The following OXR1 variants were observed in gnomAD, a reference collection of about 807,000 sequenced individuals.
OXR1 encodes the protein oxidation resistance protein 1.
OXR1 carries 41 observed loss-of-function variants against 104.6 expected under a neutral mutation model. The observed-to-expected ratio is 0.39, with a 90% confidence interval of 0.31 to 0.51. OXR1 has a LOEUF of 0.51. OXR1 is among the 20% of genes least tolerant of loss of function. OXR1 has a pLI of 0.77. For missense variants in OXR1, 955 were observed against 1,031.9 expected (o/e 0.93, Z 1.02); for synonymous variants, 348 against 348.4 (o/e 1.00, Z 0.01).
chr8:106,750,533 T>C (rs980692198), intron 16 of OXR1, among the ~76,000 whole-genome samples: 1 of 152,058 alleles, frequency 6.6e-6, no homozygotes, highest in Admixed American at 6.6e-5. Context: ...TTTCTCCATG[T>C]TGGTCAGGCT....
intron 1 of OXR1, among the ~76,000 whole-genome samples, chr8:106,334,173 C>A (rs1266696025): frequency 2.0e-5 from 3 of 152,024 alleles, no homozygotes; most frequent in African/African-American, 7.2e-5. Context: ...ACAAATCTTG[C>A]TTTTTTTGTT....
intron 3 of OXR1, among the ~76,000 whole-genome samples, chr8:106,596,185 T>C (rs3110775): frequency 0.6 from 91,721 of 151,830 alleles, 28,714 homozygotes; most frequent in African/African-American, 0.79. Flanking sequence ...GTGGCTCACA[T>C]CTACAATCCC....
chr8:106,378,564 C>T (rs909228968), intron 2 of OXR1, among the ~76,000 whole-genome samples: 1 of 152,148 alleles, frequency 6.6e-6, no homozygotes, highest in Non-Finnish European at 1.5e-5. Flanking sequence ...GGTTGGAGTG[C>T]GATGGCACGA....
chr8:106,714,646 T>C (rs1431319827), intron 11 of OXR1, among the ~76,000 whole-genome samples: 1 of 152,122 alleles, frequency 6.6e-6, no homozygotes, highest in Non-Finnish European at 1.5e-5. Context: ...TTTACATGCT[T>C]TGTCTTATAA....
intron 16 of OXR1, among the ~76,000 whole-genome samples, chr8:106,750,182 A>T (rs1363988508): frequency 6.6e-6 from 1 of 151,790 alleles, no homozygotes; most frequent in African/African-American, 2.4e-5. Flanking sequence ...ACTAAAAAAA[A>T]TACCCAAAGA....
At position 106,742,349 on chromosome 8, in the gene OXR1, A is replaced by G. The variant is rs200280199; in HGVS notation, c.2412+32A>G. 26 of 1,348,294 alleles carry G rather than the reference A, an allele frequency of 1.9e-5. No homozygotes were observed. The East Asian group carries it at 5.7e-4, about 30-fold the overall frequency. The allele number at this position is 1,348,294 out of a possible 1,614,324, so 83.5% of individuals were successfully genotyped here. On this transcript the variant is annotated intron_variant, in intron 15 of 16. Coordinates refer to ENST00000517566, the MANE Select transcript of OXR1 (RefSeq NM_001198533.2). ...ACCACTATTTCAATATTTTATTTAT[A>G]AAGAGTTGACATAACATACTGCCCA...
At chr8:106,664,115 A>C (rs1826041190) in intron 3 of OXR1, among the ~76,000 whole-genome samples, 1 of 152,138 alleles carries the variant, frequency 6.6e-6, no homozygotes, top group African/African-American at 2.4e-5. Flanking sequence ...AGCCTTTCTT[A>C]ATAGTGTATC....
At chr8:106,477,014 C>T (rs1264605029) in intron 2 of OXR1, among the ~76,000 whole-genome samples, 1 of 151,954 alleles carries the variant, frequency 6.6e-6, no homozygotes, top group Non-Finnish European at 1.5e-5. Flanking sequence ...TCACAATGGT[C>T]CCTATGCTGG....
At chr8:106,696,049 T>C (rs951166507) in intron 7 of OXR1, among the ~76,000 whole-genome samples, 6 of 152,208 alleles carry the variant, frequency 3.9e-5, no homozygotes, top group Non-Finnish European at 1.5e-5. Flanking sequence ...TAGTGACATT[T>C]ATCTATCATT....
At chr8:106,457,510 C>T (rs1820667019) in intron 2 of OXR1, among the ~76,000 whole-genome samples, 1 of 152,100 alleles carries the variant, frequency 6.6e-6, no homozygotes, top group Non-Finnish European at 1.5e-5. Flanking sequence ...ATCATAACTA[C>T]CTGAAAATGT....
intron 11 of OXR1, chr8:106,726,010 G>A: frequency 2.0e-6 from 1 of 496,808 alleles, no homozygotes; most frequent in South Asian, 3.9e-5. Flanking sequence ...ACTTAAGCAT[G>A]GGAAATTCTC....
chr8:106,509,119 C>G (rs1022935905), intron 2 of OXR1, among the ~76,000 whole-genome samples: 4 of 152,130 alleles, frequency 2.6e-5, no homozygotes, highest in Admixed American at 6.5e-5. Flanking sequence ...GTGGCAATAG[C>G]GTGTTACAAA....
chr8:106,695,534 C>T (rs755462265), intron 7 of OXR1, among the ~76,000 whole-genome samples: 1 of 151,958 alleles, frequency 6.6e-6, no homozygotes, highest in Non-Finnish European at 1.5e-5. Flanking sequence ...TCTCCTGCCT[C>T]AGCCTCCTGA....
intron 2 of OXR1, among the ~76,000 whole-genome samples, chr8:106,496,469 G>A (rs1811416176): frequency 6.6e-6 from 1 of 152,112 alleles, no homozygotes; most frequent in African/African-American, 2.4e-5. Context: ...CAGATAGTAT[G>A]GACTTATTCT....
At chr8:106,624,554 G>T (rs1437953194) in intron 3 of OXR1, among the ~76,000 whole-genome samples, 1 of 152,092 alleles carries the variant, frequency 6.6e-6, no homozygotes, top group Non-Finnish European at 1.5e-5. Flanking sequence ...AGTGGTAGGG[G>T]TACAAAAATG....
In OXR1 at chr8:106,739,454, T is replaced by A; in HGVS notation, c.2038-4T>A. 6.2e-7 allele frequency: 1 copy of A among 1,611,324 alleles called. No homozygotes were observed. Among genetic ancestry groups the A allele is most frequent in the Non-Finnish European group, 8.5e-7 (1 of 1,178,182 alleles). On this transcript the variant is annotated splice_polypyrimidine_tract_variant and splice_region_variant and intron_variant, in intron 12 of 16. Transcript: ENST00000517566. The stretch of plus-strand genomic sequence containing the variant: ...TAATGCACTACCTCTATTTACTGTT[T>A]TAGATTACTACAAGGGAAGACATAA...
At chr8:106,590,129 A>G (rs1818961850) in intron 3 of OXR1, among the ~76,000 whole-genome samples, 1 of 152,266 alleles carries the variant, frequency 6.6e-6, no homozygotes, top group African/African-American at 2.4e-5. Context: ...GAGTATGACA[A>G]CAGCAATAGA....
At chr8:106,405,982 T>A (rs952225850) in intron 2 of OXR1, among the ~76,000 whole-genome samples, 7 of 152,210 alleles carry the variant, frequency 4.6e-5, no homozygotes, top group African/African-American at 1.7e-4. Flanking sequence ...TAACTCTATC[T>A]TATATACTGT....
chr8:106,531,737 T>C (rs182950776), intron 3 of OXR1, among the ~76,000 whole-genome samples: 1 of 152,302 alleles, frequency 6.6e-6, no homozygotes, highest in African/African-American at 2.4e-5. Flanking sequence ...CACAATAATA[T>C]TTACTCTAAG....
Sources: gnomAD v4.1 joint callset for allele counts (sites outside exome capture counted in the v4.1 genomes callset) on GRCh38, gnomAD v4.1.1 for gene constraint, MANE v1.5 for transcripts, NCBI Gene and HGNC (gene_info 2026-07-23, HGNC 2026-07-21) for gene names.